AGBL4: variants seen among roughly 807,000 people sequenced by gnomAD.
The protein encoded by AGBL4 is cytosolic carboxypeptidase 6.
AGBL4 carries 58 observed loss-of-function variants against 66.4 expected under a neutral mutation model. The ratio of observed to expected loss-of-function variants is 0.87; its 90% CI spans 0.71 to 1.09. AGBL4 has a LOEUF of 1.09. AGBL4 is among the 50% of genes least tolerant of loss of function. AGBL4 has a pLI of 0.00. For synonymous variants in AGBL4, 234 were observed against 222.9 expected, an observed-to-expected ratio of 1.05 and a Z score of -0.44; for missense variants, 579 against 631.0, an observed-to-expected ratio of 0.92 and a Z score of 0.88.
At chr1:48,633,175 A>C (rs1259392817) in intron 9 of AGBL4, among the ~76,000 whole-genome samples, 4 of 152,214 alleles carry the variant, frequency 2.6e-5, no homozygotes, top group African/African-American at 4.8e-5. Context: ...ACATAGGAGG[A>C]CCAAGATAAC....
intron 5 of AGBL4, among the ~76,000 whole-genome samples, chr1:49,011,536 T>C (rs1445147568): frequency 1.3e-5 from 2 of 152,210 alleles, no homozygotes; most frequent in Non-Finnish European, 2.9e-5. Context: ...ACTGGGTATA[T>C]ACCCAAAGGA....
intron 2 of AGBL4, among the ~76,000 whole-genome samples, chr1:49,698,843 T>C (rs193088394): frequency 6.6e-6 from 1 of 152,190 alleles, no homozygotes; most frequent in Admixed American, 6.5e-5. Context: ...AAAGTATAAA[T>C]GGGTTTTGAT....
chr1:48,620,448 A>T (rs1645393334), intron 9 of AGBL4, among the ~76,000 whole-genome samples: 2 of 151,534 alleles, frequency 1.3e-5, no homozygotes, highest in South Asian at 2.1e-4. Context: ...GGCTTTTAAA[A>T]TTTTTTTTGT....
chr1:49,117,401 G>T (rs1361127736), intron 4 of AGBL4, among the ~76,000 whole-genome samples: 2 of 152,072 alleles, frequency 1.3e-5, no homozygotes, highest in Admixed American at 6.5e-5. Flanking sequence ...TTTGTATAAG[G>T]TGTAAGGAGG....
intron 3 of AGBL4, among the ~76,000 whole-genome samples, chr1:49,637,140 T>G (rs1645690251): frequency 6.6e-6 from 1 of 152,190 alleles, no homozygotes; most frequent in African/African-American, 2.4e-5. Flanking sequence ...TGGCTCTCCT[T>G]GCTCCTCAGC....
chr1:48,804,490 T>C (rs972478679), intron 6 of AGBL4, among the ~76,000 whole-genome samples: 7 of 152,220 alleles, frequency 4.6e-5, no homozygotes, highest in Admixed American at 4.6e-4. Context: ...CAAGTCTCTC[T>C]GAGCCCAGAG....
rs1267828748 is a variant in AGBL4, at chr1:49,757,292, C to A, written c.158-59855G>T. 2.6e-5 allele frequency among the ~76,000 whole-genome samples: 4 copies of A among 152,216 alleles called. 1 individual carries two copies. Among genetic ancestry groups the A allele is most frequent in the African/African-American group, 9.6e-5 (4 of 41,456 alleles). ...TAAACCTGTTTCCTTTATAAATTAC[C>A]CAGCCTCATGTATGTCAGTATAGCA... is the stretch of plus-strand genomic sequence containing the variant. On this transcript the variant is annotated intron_variant, in intron 2 of 13. Transcript: ENST00000371839.
intron 6 of AGBL4, among the ~76,000 whole-genome samples, chr1:48,790,267 C>T (rs1418599225): frequency 3.3e-5 from 5 of 152,046 alleles, no homozygotes; most frequent in African/African-American, 1.2e-4. Context: ...AAGGAAGGGT[C>T]GGTCATGCCA....
At chr1:49,376,878 A>G (rs754495575) in intron 3 of AGBL4, among the ~76,000 whole-genome samples, 20 of 152,052 alleles carry the variant, frequency 1.3e-4, no homozygotes, top group Non-Finnish European at 2.5e-4. Context: ...CCTCGCCCAT[A>G]TTGTTTATGC....
chr1:49,393,369 A>G (rs1644889793), intron 3 of AGBL4, among the ~76,000 whole-genome samples: 2 of 152,218 alleles, frequency 1.3e-5, no homozygotes, highest in African/African-American at 4.8e-5. Flanking sequence ...AGGCTGGAAG[A>G]TTGTACAATC....
Position 49,783,718 on chromosome 1 carries a change from T to C in AGBL4, c.157+67678A>G, listed in dbSNP as rs753314573. Among the ~76,000 whole-genome samples, 7 of 152,100 alleles carry C rather than the reference T, an allele frequency of 4.6e-5. No homozygotes were observed. The South Asian group carries it at 8.3e-4, about 18-fold the overall frequency. Reference sequence around the variant, plus strand: ...AGAAAGGAGAAAATGAAATGATCTCTATTTGCAAATAACATGATACTATAT... The same window carrying C: ...AGAAAGGAGAAAATGAAATGATCTCCATTTGCAAATAACATGATACTATAT... On this transcript the variant is annotated intron_variant, in intron 2 of 13. Coordinates refer to ENST00000371839, the MANE Select transcript of AGBL4 (RefSeq NM_032785.4).
intron 6 of AGBL4, chr1:48,742,547 G>A: frequency 7.5e-7 from 1 of 1,332,854 alleles, no homozygotes; most frequent in Non-Finnish European, 9.7e-7. Flanking sequence ...GATTTGGAAA[G>A]CTCCCACCAT....
chr1:48,894,070 C>T (rs1651267975), intron 5 of AGBL4, among the ~76,000 whole-genome samples: 2 of 152,206 alleles, frequency 1.3e-5, no homozygotes, highest in South Asian at 4.1e-4. Flanking sequence ...GGAAAAAATA[C>T]TTCCGTAGCT....
At chr1:49,174,255 T>A (rs903923585) in intron 4 of AGBL4, among the ~76,000 whole-genome samples, 5 of 151,918 alleles carry the variant, frequency 3.3e-5, no homozygotes, top group South Asian at 2.1e-4. Context: ...TTAGAAAAAA[T>A]TTTTATAAAA....
At chr1:49,732,063 C>T (rs1649497658) in intron 2 of AGBL4, among the ~76,000 whole-genome samples, 2 of 152,140 alleles carry the variant, frequency 1.3e-5, no homozygotes, top group South Asian at 4.1e-4. Context: ...AGAGGTCTTA[C>T]TCAATTTGGA....
At chr1:49,041,082 C>A (rs976103826) in intron 5 of AGBL4, among the ~76,000 whole-genome samples, 4 of 151,990 alleles carry the variant, frequency 2.6e-5, no homozygotes, top group African/African-American at 4.8e-5. Flanking sequence ...AAAATGCATT[C>A]TTGGATGATA....
At chr1:49,499,720 C>CAT (rs151053487) in intron 3 of AGBL4, among the ~76,000 whole-genome samples, 7,453 of 145,148 alleles carry the variant, frequency 0.051, 234 homozygotes, top group African/African-American at 0.091. Context: ...GAATGGTATT[C>CAT]ATATATATAT....
chr1:49,726,907 A>G (rs1282478185), intron 2 of AGBL4, among the ~76,000 whole-genome samples: 1 of 152,060 alleles, frequency 6.6e-6, no homozygotes, highest in Non-Finnish European at 1.5e-5. Flanking sequence ...AGACCTCTCT[A>G]TTTGCAATTT....
At chr1:49,484,444 T>C (rs1647021473) in intron 3 of AGBL4, among the ~76,000 whole-genome samples, 1 of 152,096 alleles carries the variant, frequency 6.6e-6, no homozygotes, top group Non-Finnish European at 1.5e-5. Context: ...TCTTTTCATT[T>C]GTAACAACAT....
Sources: gnomAD v4.1 joint callset for allele counts (sites outside exome capture counted in the v4.1 genomes callset) on GRCh38, gnomAD v4.1.1 for gene constraint, MANE v1.5 for transcripts, NCBI Gene and HGNC (gene_info 2026-07-23, HGNC 2026-07-21) for gene names.